Variants in NLRP5 observed in about 807,000 individuals in gnomAD.
The protein encoded by NLRP5 is NLR family pyrin domain containing 5, also known as NACHT, LRR and PYD domains-containing protein 5.
In NLRP5, 93 loss-of-function variants were observed where a neutral mutation model predicts 113.1. The observed-to-expected ratio is 0.82, with a 90% CI of 0.70 to 0.98. The LOEUF (loss-of-function observed/expected upper bound fraction) is 0.98. Ranked by LOEUF, NLRP5 falls within the 50% of genes least tolerant of loss-of-function variation. The probability of loss-of-function intolerance (pLI) is 0.00; values close to 1 mark genes in which losing one functional copy is unlikely to be tolerated. For synonymous variants in NLRP5, 751 were observed against 600.7 expected (o/e 1.25, Z -3.66); for missense variants, 1,808 against 1,514.3 (o/e 1.19, Z -3.22).
In NLRP5 at chr19:56,053,929, A is replaced by G; in HGVS notation, c.3299+121A>G. On this transcript the variant is annotated intron_variant, in intron 13 of 14. Transcript: ENST00000390649. ...TCCATGAGTCCCTCAAGTTAGATGG[A>G]GTGCAACCTTCGCAGCACCACAGAT... 3.5e-6 allele frequency: 3 copies of G among 861,504 alleles called. No homozygotes were observed. The South Asian group carries it at 4.9e-5, about 14-fold the overall frequency. 53.4% of individuals were successfully genotyped at this position (861,504 alleles called of 1,614,324 possible). A position where few individuals can be genotyped will look rare whatever the true frequency, so the allele number is the denominator to read the frequency against.
At chr19:56,059,648 C>T (rs891696559) in intron 14 of NLRP5, among the ~76,000 whole-genome samples, 3 of 152,178 alleles carry the variant, frequency 2.0e-5, no homozygotes, top group African/African-American at 7.2e-5. Flanking sequence ...AATTCTGCTG[C>T]CTCAGCCTCC....
chr19:55,989,154 A>T, the NLRP5 span, among the ~76,000 whole-genome samples: 1 of 152,184 alleles, frequency 6.6e-6, no homozygotes, highest in African/African-American at 2.4e-5. Context: ...ATGGATGGGT[A>T]ATTGTAAGAA....
In NLRP5 at chr19:56,061,622, C is replaced by A; in HGVS notation, c.*94C>A. 2 of 1,329,438 alleles carry A rather than the reference C, an allele frequency of 1.5e-6. No homozygotes were observed. Among genetic ancestry groups the A allele is most frequent in the South Asian group, 1.3e-5 (1 of 77,916 alleles). 82.4% of individuals were successfully genotyped at this position (1,329,438 alleles called of 1,614,324 possible). On this transcript the variant is annotated 3_prime_UTR_variant, in exon 15 of 15. Transcript: ENST00000390649. ...AGCTATGCACCTGGGAGTTCCTTCT[C>A]AAAGATGGAGAATGATTTCTGATTC...
intron 11 of NLRP5, among the ~76,000 whole-genome samples, chr19:56,046,745 C>T (rs994584617): frequency 1.3e-5 from 2 of 152,200 alleles, no homozygotes; most frequent in African/African-American, 4.8e-5. Flanking sequence ...GGGGTTTCAC[C>T]GTGGTCTCGA....
At position 56,003,872 on chromosome 19, in the gene NLRP5, CAAGG is replaced by C. The variant is rs774551879; in HGVS notation, c.223_226del (p.Glu75AsnfsTer9). On this transcript the variant is annotated frameshift_variant, in exon 2 of 15. Coordinates refer to ENST00000390649, the MANE Select transcript of NLRP5 (RefSeq NM_153447.4). LOFTEE classifies it high-confidence loss of function. Reference sequence around the variant, plus strand: ...TGCAATGGTGTCTCTATGAGCTAGACAAGGAAGAATTTCAGACATTCAAGGAATT... The same window carrying C: ...TGCAATGGTGTCTCTATGAGCTAGACAAGAATTTCAGACATTCAAGGAATT... The C allele has an allele frequency of 6.2e-7, 1 of 1,613,916 alleles. No homozygotes were observed. Among genetic ancestry groups the C allele is most frequent in the Non-Finnish European group, 8.5e-7 (1 of 1,179,890 alleles).
the NLRP5 span, among the ~76,000 whole-genome samples, chr19:55,991,128 G>A: frequency 1.3e-5 from 2 of 152,180 alleles, no homozygotes; most frequent in Non-Finnish European, 2.9e-5. Flanking sequence ...TTTTTCTGGA[G>A]TGAGGAGGGT....
the NLRP5 span, among the ~76,000 whole-genome samples, chr19:55,991,995 ATTTC>A: frequency 2.0e-5 from 3 of 150,986 alleles, no homozygotes; most frequent in Non-Finnish European, 4.4e-5. Flanking sequence ...CCCAGTCGTT[ATTTC>A]TTTCTGCTTC....
At chr19:56,051,949 C>A (rs1983945690) in intron 12 of NLRP5, among the ~76,000 whole-genome samples, 1 of 152,278 alleles carries the variant, frequency 6.6e-6, no homozygotes, top group African/African-American at 2.4e-5. Context: ...TGAGTGCCCC[C>A]AAGTATTAAT....
chr19:55,990,091 T>G, the NLRP5 span, among the ~76,000 whole-genome samples: 16 of 72,952 alleles, frequency 2.2e-4, no homozygotes, highest in African/African-American at 8.8e-4. Context: ...TTTTTTTTTT[T>G]TTTTTTTTTT....
upstream of NLRP5, among the ~76,000 whole-genome samples, chr19:55,997,677 C>A (rs1391769671): frequency 7.0e-6 from 1 of 143,168 alleles, no homozygotes; most frequent in Non-Finnish European, 1.5e-5. Context: ...ACCAAAAATA[C>A]CAAAATACCA....
chr19:55,992,046 CA>C, the NLRP5 span, among the ~76,000 whole-genome samples: 2 of 151,952 alleles, frequency 1.3e-5, no homozygotes, highest in African/African-American at 4.8e-5. Flanking sequence ...AGGTAGACCC[CA>C]GTATCTGTGG....
chr19:56,050,149 G>GC (rs992210799), intron 11 of NLRP5, among the ~76,000 whole-genome samples: 2 of 151,934 alleles, frequency 1.3e-5, no homozygotes, highest in Non-Finnish European at 2.9e-5. Context: ...GCGTGGTGGT[G>GC]CATGCCTGTA....
At chr19:56,013,602 T>TG (rs1982292956) in intron 3 of NLRP5, among the ~76,000 whole-genome samples, 1 of 131,900 alleles carries the variant, frequency 7.6e-6, no homozygotes, top group South Asian at 2.5e-4. Context: ...TTGGGTTTTT[T>TG]TTTTTTTTTT....
intron 14 of NLRP5, among the ~76,000 whole-genome samples, chr19:56,060,349 C>G (rs1984304952): frequency 2.0e-5 from 3 of 152,096 alleles, no homozygotes; most frequent in Non-Finnish European, 4.4e-5. Context: ...TTTGCCTTGT[C>G]CATCCCTATA....
intron 9 of NLRP5, among the ~76,000 whole-genome samples, chr19:56,035,354 A>G (rs557922022): frequency 1.3e-5 from 2 of 152,324 alleles, no homozygotes; most frequent in Admixed American, 1.3e-4. Flanking sequence ...CTTTAAGAAG[A>G]TGTAACCCAG....
At chr19:56,005,326 TTTA>T (rs979830147) in intron 2 of NLRP5, among the ~76,000 whole-genome samples, 4 of 143,126 alleles carry the variant, frequency 2.8e-5, no homozygotes, top group African/African-American at 1.0e-4. Flanking sequence ...TACACACATA[TTTA>T]TATATACACA....
chr19:55,995,951 C>G (rs1275153440), upstream of NLRP5, among the ~76,000 whole-genome samples: 1 of 152,056 alleles, frequency 6.6e-6, no homozygotes, highest in Non-Finnish European at 1.5e-5. Context: ...TAAAAACTTG[C>G]ATCATACTGA....
chr19:55,990,520 C>T, the NLRP5 span, among the ~76,000 whole-genome samples: 3 of 151,760 alleles, frequency 2.0e-5, no homozygotes, highest in Non-Finnish European at 2.9e-5. Flanking sequence ...GCGAAATACC[C>T]TGTCTACTAA....
At chr19:56,046,854 G>T (rs1983747814) in intron 11 of NLRP5, among the ~76,000 whole-genome samples, 1 of 152,150 alleles carries the variant, frequency 6.6e-6, no homozygotes, top group African/African-American at 2.4e-5. Context: ...TTGAACGTCT[G>T]GTAGAATTCT....
Sources: gnomAD v4.1 joint callset for allele counts (sites outside exome capture counted in the v4.1 genomes callset) on GRCh38, gnomAD v4.1.1 for gene constraint, MANE v1.5 for transcripts, NCBI Gene and HGNC (gene_info 2026-07-23, HGNC 2026-07-21) for gene names.